FAT4: variants seen among roughly 807,000 people sequenced by gnomAD.
The protein encoded by FAT4 is protocadherin Fat 4.
FAT4 carries 84 observed loss-of-function variants against 303.9 expected under a neutral mutation model. The observed-to-expected ratio is 0.28, with a 90% CI of 0.23 to 0.33. The LOEUF is 0.33. Ranked by LOEUF, FAT4 falls within the 10% of genes least tolerant of loss-of-function variation. FAT4 has a pLI of 1.00. For synonymous variants in FAT4, 2,307 were observed against 2,298.8 expected (o/e 1.00, Z -0.10); for missense variants, 6,005 against 6,146.8 (o/e 0.98, Z 0.77).
chr4:125,340,843 C>T (rs868842455), intron 2 of FAT4, among the ~76,000 whole-genome samples: 4 of 152,080 alleles, frequency 2.6e-5, no homozygotes, highest in African/African-American at 9.7e-5. Context: ...GGATAGTTAT[C>T]TTTTCTAATG....
At chr4:125,370,116 C>T (rs1182488315) in intron 2 of FAT4, among the ~76,000 whole-genome samples, 2 of 151,738 alleles carry the variant, frequency 1.3e-5, no homozygotes, top group Admixed American at 6.6e-5. Context: ...AGAATTCATA[C>T]TAGATTTGGA....
In FAT4 at chr4:125,491,485, T is replaced by G; in HGVS notation, c.14669T>G (p.Leu4890Arg). Residue 4890 changes from leucine (L) to arginine (R), a missense_variant, in exon 18 of 18, where the codon CTG becomes CGG. Physicochemically the swap from Leu to Arg is moderately radical, Grantham distance 102 (BLOSUM62 -2). Coordinates refer to ENST00000394329, the MANE Select transcript of FAT4 (RefSeq NM_001291303.3). ...ADDEDNYGAR[L>R]KPRRYHGRRA... is the part of the protein sequence containing the mutation. ...GATGAAGATAATTATGGAGCCAGAC[T>G]GAAGCCTCGAAGGTACCACGGTCGC... is the stretch of plus-strand genomic sequence containing the variant. 6.2e-7 allele frequency: 1 copy of G among 1,614,200 alleles called. No individual in the cohort carries two copies. The highest frequency in any genetic ancestry group is 8.5e-7 in the Non-Finnish European group (1 of 1,180,030).
intron 3 of FAT4, 149 bp from the exon 4 acceptor site, chr4:125,406,731 T>A (rs1734625320): frequency 1.3e-6 from 1 of 777,448 alleles, no homozygotes; most frequent in African/African-American, 1.7e-5. Context: ...AGTTAGTAAG[T>A]TTATCTCTCA....
At position 125,445,981 on chromosome 4, in the gene FAT4, T is replaced by A. The variant is rs191546349; in HGVS notation, c.7200-312T>A. ...ACAATATTAGAGCAAGTCCCCTGAT[T>A]TATGCTTTTAGGCTCATTTATTTAA... On this transcript the variant is annotated intron_variant, in intron 8 of 17. Coordinates refer to ENST00000394329, the MANE Select transcript of FAT4 (RefSeq NM_001291303.3). 561 of 186,318 alleles carry A rather than the reference T, an allele frequency of 3.0e-3. 6 individuals carry two copies. Among genetic ancestry groups the A allele is most frequent in the African/African-American group, 0.012 (521 of 42,790 alleles). The allele number at this position is 186,318 out of a possible 1,614,324, so 11.5% of individuals were successfully genotyped here. A position where few individuals can be genotyped will look rare whatever the true frequency, so the allele number is the denominator to read the frequency against.
chr4:125,463,593 G>A lies in FAT4; in HGVS notation c.11831G>A (p.Cys3944Tyr). 1.3e-6 allele frequency: 2 copies of A among 1,594,938 alleles called. No homozygotes were observed. Among genetic ancestry groups the A allele is most frequent in the Admixed American group, 1.7e-5 (1 of 58,902 alleles). Reference protein sequence around the residue: ...GKMCESSVNYCECNPCFNGGS... With the variant: ...GKMCESSVNYYECNPCFNGGS... ...ATGTGTGAATCTTCAGTCAATTACT[G>A]TGAATGCAACCCCTGCTTTAATGGT... The change falls in exon 11 of 18, where the codon TGT (cysteine) becomes TAT (tyrosine). Residue 3944 changes from cysteine to tyrosine, a missense_variant. Transcript: ENST00000394329.
chr4:125,425,042 TTAAATA>T (rs1725042191), intron 7 of FAT4, among the ~76,000 whole-genome samples: 1 of 152,214 alleles, frequency 6.6e-6, no homozygotes. Flanking sequence ...ACGTAGAAAG[TTAAATA>T]TAAAAGTTTA....
At chr4:125,352,088 A>T (rs1286535881) in intron 2 of FAT4, among the ~76,000 whole-genome samples, 3 of 151,462 alleles carry the variant, frequency 2.0e-5, no homozygotes, top group African/African-American at 4.8e-5. Flanking sequence ...TTAAAAAGGG[A>T]TTTAGGTTGT....
chr4:125,476,285 T>A, intron 13 of FAT4, 29 bp downstream of exon 13: 2 of 1,334,824 alleles, frequency 1.5e-6, no homozygotes, highest in Non-Finnish European at 2.1e-6. Context: ...TTAATTTTTA[T>A]TATTACTTAA....
At chr4:125,416,335 T>C in intron 6 of FAT4, 113 bp from the exon 7 acceptor site, 1 of 933,554 alleles carries the variant, frequency 1.1e-6, no homozygotes, top group Non-Finnish European at 1.6e-6. Flanking sequence ...TCTAAAAATA[T>C]ATCTTTGGAA....
intron 9 of FAT4, among the ~76,000 whole-genome samples, chr4:125,448,234 T>C (rs1028552684): frequency 5.9e-5 from 9 of 152,088 alleles, no homozygotes; most frequent in Admixed American, 5.2e-4. Flanking sequence ...TCCAACAGAC[T>C]GTATAAATTT....
intron 2 of FAT4, among the ~76,000 whole-genome samples, chr4:125,364,382 C>T (rs1337594759): frequency 6.6e-6 from 1 of 152,048 alleles, no homozygotes; most frequent in Non-Finnish European, 1.5e-5. Flanking sequence ...GAAATTTAGC[C>T]CCCCGTGAAT....
At chr4:125,487,274 T>C (rs1175221796) in intron 16 of FAT4, 71 bp from the exon 17 acceptor site, 1 of 1,461,460 alleles carries the variant, frequency 6.8e-7, no homozygotes, top group Non-Finnish European at 9.3e-7. Context: ...AATTTAAGTT[T>C]AGTTTTGTTA....
intron 2 of FAT4, among the ~76,000 whole-genome samples, chr4:125,336,872 T>G (rs1189542066): frequency 6.6e-6 from 1 of 152,060 alleles, no homozygotes; most frequent in Non-Finnish European, 1.5e-5. Context: ...AGGCGGGAAC[T>G]CATTGTTGAT....
intron 17 of FAT4, among the ~76,000 whole-genome samples, chr4:125,487,939 AT>A (rs753084908): frequency 6.6e-6 from 1 of 152,188 alleles, no homozygotes; most frequent in Non-Finnish European, 1.5e-5. Context: ...ACATTTGTTC[AT>A]TTATTTATTC....
At chr4:125,425,468 C>T (rs1240253786) in intron 7 of FAT4, among the ~76,000 whole-genome samples, 1 of 151,992 alleles carries the variant, frequency 6.6e-6, no homozygotes, top group Non-Finnish European at 1.5e-5. Flanking sequence ...TTAAAGAGAA[C>T]ATTGGTTTAG....
chr4:125,452,055 A>G lies in FAT4; in HGVS notation c.11045A>G (p.Asp3682Gly), dbSNP rs776165412. Residue 3682 changes from aspartate to glycine, a missense_variant, in exon 10 of 18, where the codon GAT becomes GGT. Coordinates refer to ENST00000394329, the MANE Select transcript of FAT4 (RefSeq NM_001291303.3). ...CCAAGGTCCACAGATGGCACGTTTG[A>G]TCTGACTGTCCTTAGCAATGATGGA... ...SQPRSTDGTF[D>G]LTVLSNDGVH... 1.2e-6 allele frequency: 2 copies of G among 1,614,148 alleles called. No homozygotes were observed. The highest frequency in any genetic ancestry group is 1.7e-6 in the Non-Finnish European group (2 of 1,180,020).
chr4:125,444,980 A>C (rs529004871), intron 8 of FAT4, among the ~76,000 whole-genome samples: 130 of 152,218 alleles, frequency 8.5e-4, no homozygotes, highest in African/African-American at 2.9e-3. Flanking sequence ...TATTTTGATA[A>C]AGAGAATATA....
At position 125,415,104 on chromosome 4, in the gene FAT4, C is replaced by G; in HGVS notation, c.6141C>G (p.Asn2047Lys). ...TTATTTTGTTGGATGTAAATGATAA[C>G]CCACCGACATTTCTTTCCCCTAAAT... ...VSIILLDVND[N>K]PPTFLSPKLT... Residue 2047 changes from asparagine (N) to lysine (K), a missense_variant, in exon 6 of 18, where the codon AAC becomes AAG. Asn to Lys is a moderately conservative substitution (Grantham distance 94, BLOSUM62 0). Coordinates refer to ENST00000394329, the MANE Select transcript of FAT4 (RefSeq NM_001291303.3). 2.5e-6 allele frequency: 4 copies of G among 1,613,908 alleles called. No homozygotes were observed. Among genetic ancestry groups the G allele is most frequent in the Non-Finnish European group, 3.4e-6 (4 of 1,179,846 alleles).
chr4:125,368,540 A>AT (rs527661255), intron 2 of FAT4, among the ~76,000 whole-genome samples: 6,771 of 146,324 alleles, frequency 0.046, 181 homozygotes, highest in East Asian at 0.088. Flanking sequence ...ATATATATAT[A>AT]AAAATCATAT....
Sources: allele counts gnomAD v4.1 joint callset (sites outside exome capture counted in the v4.1 genomes callset), GRCh38; gene constraint gnomAD v4.1.1; transcripts MANE v1.5; gene names NCBI Gene and HGNC (gene_info 2026-07-23, HGNC 2026-07-21).